The following KDM2A variants were observed in gnomAD, a reference collection of about 807,000 sequenced individuals.
The protein encoded by KDM2A is lysine demethylase 2A.
In KDM2A, 3 loss-of-function variants were observed where a neutral mutation model predicts 137.3. The ratio of observed to expected loss-of-function variants is 0.02; its 90% confidence interval spans 0.01 to 0.06. KDM2A has a LOEUF of 0.06. Ranked by LOEUF, KDM2A falls within the 10% of genes least tolerant of loss-of-function variation. The probability of loss-of-function intolerance (pLI) is 1.00; values close to 1 mark genes in which losing one functional copy is unlikely to be tolerated. For missense variants in KDM2A, 738 were observed against 1,510.6 expected (o/e 0.49, Z 8.48); for synonymous variants, 512 against 541.5 (o/e 0.95, Z 0.76).
chr11:67,231,507 C>G (rs1415270221), intron 11 of KDM2A, 59 bp from the exon 12 acceptor site: 11 of 1,448,804 alleles, frequency 7.6e-6, no homozygotes, highest in Non-Finnish European at 7.4e-6. Flanking sequence ...ACCTATTTCT[C>G]TTGCTGATCA....
chr11:67,173,814 A>G (rs911942368), intron 2 of KDM2A, among the ~76,000 whole-genome samples: 1 of 152,132 alleles, frequency 6.6e-6, no homozygotes, highest in Non-Finnish European at 1.5e-5. Context: ...CTGAGCTCAA[A>G]CAATCCTGCT....
rs1323922495 is a variant in KDM2A at position 67,203,618 on chromosome 11, G to A, written c.308-3892G>A. 3.3e-5 allele frequency among the ~76,000 whole-genome samples: 5 copies of A among 151,204 alleles called. No homozygotes were observed. The East Asian group carries it at 9.7e-4, about 29-fold the overall frequency. On this transcript the variant is annotated intron_variant, in intron 5 of 20. Coordinates refer to ENST00000529006, the MANE Select transcript of KDM2A (RefSeq NM_012308.3). ...AAAATACAAAAAATTAACTGGGTATGGTGGCATGCACTGTAGTCCCAGCTA... is the reference window on the plus strand; with the variant it reads ...AAAATACAAAAAATTAACTGGGTATAGTGGCATGCACTGTAGTCCCAGCTA...
intron 5 of KDM2A, among the ~76,000 whole-genome samples, chr11:67,197,357 G>A (rs759724832): frequency 3.9e-5 from 6 of 151,904 alleles, no homozygotes; most frequent in South Asian, 2.1e-4. Flanking sequence ...TATTTTTTTT[G>A]TAGAGATGGG....
intron 12 of KDM2A, among the ~76,000 whole-genome samples, chr11:67,236,396 C>T (rs1256932380): frequency 6.6e-6 from 1 of 152,156 alleles, no homozygotes; most frequent in Admixed American, 6.5e-5. Flanking sequence ...TCCCAGAGTG[C>T]TAGGATTATA....
At chr11:67,242,627 T>C (rs780515907) in intron 12 of KDM2A, among the ~76,000 whole-genome samples, 5 of 152,112 alleles carry the variant, frequency 3.3e-5, no homozygotes, top group Admixed American at 1.3e-4. Flanking sequence ...AAGTAAGGGA[T>C]TGGGAACAAA....
At chr11:67,121,404 A>G (rs1855594956) in intron 2 of KDM2A, 46 bp downstream of exon 2, 2 of 1,573,614 alleles carry the variant, frequency 1.3e-6, no homozygotes, top group South Asian at 1.1e-5. Flanking sequence ...TTAAAGTAGG[A>G]TAACTATTTT....
intron 5 of KDM2A, chr11:67,196,539 T>G (rs2136359388): frequency 2.2e-6 from 1 of 450,118 alleles, no homozygotes; most frequent in Non-Finnish European, 4.5e-6. Context: ...GATTATTATT[T>G]AGCCTTAAAA....
At chr11:67,125,341 T>C (rs1003795409) in intron 2 of KDM2A, among the ~76,000 whole-genome samples, 5 of 151,866 alleles carry the variant, frequency 3.3e-5, no homozygotes, top group African/African-American at 1.2e-4. Context: ...CCACCATGCC[T>C]GGTTAATTTT....
intron 12 of KDM2A, chr11:67,239,965 C>G (rs1858976170): frequency 6.1e-6 from 6 of 979,748 alleles, no homozygotes; most frequent in Non-Finnish European, 7.9e-6. Flanking sequence ...TGAACACACC[C>G]CCTCCCGGCT....
At chr11:67,243,759 G>C (rs887858423) in intron 13 of KDM2A, 1 of 152,266 alleles carries the variant, frequency 6.6e-6, no homozygotes, top group Non-Finnish European at 1.5e-5. Context: ...AGGTTGCAGT[G>C]AGCCGAGATC....
chr11:67,179,208 A>C (rs1025014550), intron 2 of KDM2A, among the ~76,000 whole-genome samples: 1 of 152,192 alleles, frequency 6.6e-6, no homozygotes, highest in Non-Finnish European at 1.5e-5. Flanking sequence ...CTTTGGAAAG[A>C]CATGTTATCT....
Position 67,208,168 on chromosome 11 carries a change from A to C in KDM2A, c.486+480A>C, listed in dbSNP as rs951078632. 2.0e-5 allele frequency among the ~76,000 whole-genome samples: 3 copies of C among 152,140 alleles called. No homozygotes were observed. The East Asian group carries it at 5.8e-4, about 29-fold the overall frequency. On this transcript the variant is annotated intron_variant, in intron 6 of 20. Transcript: ENST00000529006. ...TTTTATAAAGATATATTGATATTGTATTTTGATAAGAATAACTGCATTTTC... is the reference window on the plus strand; with the variant it reads ...TTTTATAAAGATATATTGATATTGTCTTTTGATAAGAATAACTGCATTTTC...
intron 2 of KDM2A, among the ~76,000 whole-genome samples, chr11:67,131,412 CTTTTTT>C (rs563635809): frequency 7.5e-5 from 10 of 132,808 alleles, no homozygotes; most frequent in African/African-American, 2.6e-4. Flanking sequence ...GTTTTCTTTT[CTTTTTT>C]TTTTTTTTTT....
At chr11:67,175,233 A>G (rs1856952040) in intron 2 of KDM2A, among the ~76,000 whole-genome samples, 1 of 152,220 alleles carries the variant, frequency 6.6e-6, no homozygotes, top group Non-Finnish European at 1.5e-5. Context: ...TTACATTAAG[A>G]TAGGATACAG....
At chr11:67,253,647 G>A in intron 19 of KDM2A, 36 bp downstream of exon 19, 1 of 1,606,244 alleles carries the variant, frequency 6.2e-7, no homozygotes, top group Non-Finnish European at 8.5e-7. Context: ...TGCTTGTCTT[G>A]GGGTAGCTTT....
intron 2 of KDM2A, among the ~76,000 whole-genome samples, chr11:67,152,906 GT>G (rs2136308308): frequency 6.8e-3 from 1 of 148 alleles, no homozygotes; most frequent in African/African-American, 0.022. Flanking sequence ...CAGTGCCAGA[GT>G]GTGTGTGTGT....
chr11:67,217,111 G>A (rs546004352), intron 8 of KDM2A, among the ~76,000 whole-genome samples: 7 of 144,158 alleles, frequency 4.9e-5, no homozygotes, highest in Non-Finnish European at 9.1e-5. Flanking sequence ...GTGTGGTGGC[G>A]CACGCCTGTA....
chr11:67,180,491 T>G (rs1857067680), intron 3 of KDM2A: 1 of 309,254 alleles, frequency 3.2e-6, no homozygotes, highest in African/African-American at 2.2e-5. Flanking sequence ...CTTCTATCCC[T>G]TGGTTTAAAT....
At chr11:67,207,715 G>C in intron 6 of KDM2A, 27 bp downstream of exon 6, 1 of 1,542,810 alleles carries the variant, frequency 6.5e-7, no homozygotes. Flanking sequence ...TCTTCATATT[G>C]TCATTGTCAC....
Sources: allele counts gnomAD v4.1 joint callset (sites outside exome capture counted in the v4.1 genomes callset), GRCh38; gene constraint gnomAD v4.1.1; transcripts MANE v1.5; gene names NCBI Gene and HGNC (gene_info 2026-07-23, HGNC 2026-07-21).